The following RIN3 variants were observed in gnomAD, a reference collection of about 807,000 sequenced individuals.
RIN3 encodes Ras and Rab interactor 3.
RIN3 carries 54 observed loss-of-function variants against 76.3 expected under a neutral mutation model. That is an observed-to-expected ratio of 0.71 (90% CI 0.57 to 0.89). RIN3 has a LOEUF of 0.89. RIN3 is among the 40% of genes least tolerant of loss of function. The probability of loss-of-function intolerance (pLI) is 0.00; values close to 1 mark genes in which losing one functional copy is unlikely to be tolerated. For missense variants in RIN3, 1,256 were observed against 1,322.1 expected, an observed-to-expected ratio of 0.95 and a Z score of 0.78; for synonymous variants, 576 against 564.0, an observed-to-expected ratio of 1.02 and a Z score of -0.30.
At chr14:92,639,152 G>C (rs915651136) in intron 4 of RIN3, among the ~76,000 whole-genome samples, 6 of 152,268 alleles carry the variant, frequency 3.9e-5, no homozygotes, top group Non-Finnish European at 8.8e-5. Flanking sequence ...CTGGAAGGCA[G>C]CCCAGACCCG....
chr14:92,604,749 T>C (rs1379959385), intron 3 of RIN3, among the ~76,000 whole-genome samples: 1 of 151,996 alleles, frequency 6.6e-6, no homozygotes, highest in Admixed American at 6.5e-5. Flanking sequence ...ACCAACCAAA[T>C]GTTCAATCAT....
In RIN3 at chr14:92,553,748, C is replaced by T. The variant is rs922697192; in HGVS notation, c.45-2003C>T. ...ATTTTCTCCCCGGGTACAGACTTCACACTGACCTTGACACACCCCTCCTCA... is the reference window on the plus strand; with the variant it reads ...ATTTTCTCCCCGGGTACAGACTTCATACTGACCTTGACACACCCCTCCTCA... On this transcript the variant is annotated intron_variant, in intron 1 of 9. Coordinates refer to ENST00000216487, the MANE Select transcript of RIN3 (RefSeq NM_024832.5). Among the ~76,000 whole-genome samples the T allele has an allele frequency of 3.2e-4, 49 of 152,262 alleles. 1 individual carries two copies. The highest frequency in any genetic ancestry group is 3.1e-3 in the Admixed American group (48 of 15,300).
intron 2 of RIN3, chr14:92,576,153 C>T (rs1238485990): frequency 8.7e-7 from 1 of 1,144,194 alleles, no homozygotes; most frequent in Non-Finnish European, 1.1e-6. Context: ...GAAGCTGTGC[C>T]ACAGGAGGCT....
chr14:92,545,575 T>C (rs1897241758), intron 1 of RIN3, among the ~76,000 whole-genome samples: 3 of 129,880 alleles, frequency 2.3e-5, no homozygotes, highest in South Asian at 5.1e-4. Flanking sequence ...TTTTCTTTTT[T>C]CTTTTTCTTT....
Position 92,688,424 on chromosome 14 carries a change from A to G in RIN3, c.*172A>G. On this transcript the variant is annotated 3_prime_UTR_variant, in exon 10 of 10. Coordinates refer to ENST00000216487, the MANE Select transcript of RIN3 (RefSeq NM_024832.5). ...AATAACATGACGCTCGTCCAAGGCC[A>G]CTTCCTGAGGGCAAGTCCTAATAGC... The G allele has an allele frequency of 1.6e-6, 1 of 637,194 alleles. No homozygotes were observed. Among genetic ancestry groups the G allele is most frequent in the East Asian group, 2.8e-5 (1 of 35,186 alleles). 39.5% of individuals were successfully genotyped at this position (637,194 alleles called of 1,614,324 possible). A position where few individuals can be genotyped will look rare whatever the true frequency, so the allele number is the denominator to read the frequency against.
intron 4 of RIN3, among the ~76,000 whole-genome samples, chr14:92,633,780 A>G (rs1886671461): frequency 6.6e-6 from 1 of 152,120 alleles, no homozygotes; most frequent in African/African-American, 2.4e-5. Context: ...TTTAATGAAA[A>G]AGTAAACTGG....
In RIN3 at chr14:92,581,420, G is replaced by C. The variant is rs115204847; in HGVS notation, c.367+3943G>C. Among the ~76,000 whole-genome samples the C allele has an allele frequency of 6.3e-3, 954 of 152,302 alleles. 6 individuals are homozygous for C. Among genetic ancestry groups the C allele is most frequent in the African/African-American group, 0.021 (890 of 41,546 alleles). On this transcript the variant is annotated intron_variant, in intron 3 of 9. Coordinates refer to ENST00000216487, the MANE Select transcript of RIN3 (RefSeq NM_024832.5). Reference sequence around the variant, plus strand: ...CTCTTGAATTTCCACAGCAACATTGGGAAAGTAGCTGAGGTTGGAGGTTAT... The same window carrying C: ...CTCTTGAATTTCCACAGCAACATTGCGAAAGTAGCTGAGGTTGGAGGTTAT...
At chr14:92,561,417 G>A (rs935977857) in intron 2 of RIN3, among the ~76,000 whole-genome samples, 4 of 151,298 alleles carry the variant, frequency 2.6e-5, no homozygotes, top group Non-Finnish European at 5.9e-5. Context: ...GAACATATTG[G>A]CCCATTTGTT....
chr14:92,536,367 T>C (rs1896999574), intron 1 of RIN3, among the ~76,000 whole-genome samples: 1 of 152,194 alleles, frequency 6.6e-6, no homozygotes, highest in South Asian at 2.1e-4. Flanking sequence ...ATTGTGTGTC[T>C]GTGATGTGTA....
chr14:92,549,149 G>A (rs1042128899), intron 1 of RIN3, among the ~76,000 whole-genome samples: 26 of 152,172 alleles, frequency 1.7e-4, no homozygotes, highest in African/African-American at 6.3e-4. Context: ...CAGGGACCAG[G>A]CCTCTCCATT....
chr14:92,570,671 AAG>A (rs1555384634), intron 2 of RIN3, among the ~76,000 whole-genome samples: 39 of 151,666 alleles, frequency 2.6e-4, no homozygotes, highest in Middle Eastern at 3.4e-3. Flanking sequence ...AAAAAAAAAA[AAG>A]AAGTGACATT....
intron 1 of RIN3, among the ~76,000 whole-genome samples, chr14:92,517,544 C>T (rs559957096): frequency 6.6e-6 from 1 of 152,204 alleles, no homozygotes; most frequent in African/African-American, 2.4e-5. Flanking sequence ...TAGGGAGTAA[C>T]CTTTAGAAGA....
intron 1 of RIN3, among the ~76,000 whole-genome samples, chr14:92,533,357 CTGAG>C (rs1350515312): frequency 2.0e-5 from 3 of 152,188 alleles, no homozygotes; most frequent in Non-Finnish European, 2.9e-5. Flanking sequence ...AGTTCCACTA[CTGAG>C]TATCTACCCA....
chr14:92,537,732 C>T (rs1257295067), intron 1 of RIN3, among the ~76,000 whole-genome samples: 2 of 149,358 alleles, frequency 1.3e-5, no homozygotes, highest in Non-Finnish European at 3.0e-5. Context: ...GCAGCCTCTG[C>T]CCCCCCGCCA....
At chr14:92,638,898 A>G (rs562558415) in intron 4 of RIN3, among the ~76,000 whole-genome samples, 1 of 152,218 alleles carries the variant, frequency 6.6e-6, no homozygotes, top group South Asian at 2.1e-4. Context: ...TGCCCTGTCC[A>G]ACTCTTCCAT....
Position 92,547,023 on chromosome 14 carries a change from AATT to A in RIN3, c.45-8721_45-8719del, listed in dbSNP as rs970307302. Among the ~76,000 whole-genome samples, 60 of 125,156 alleles carry A rather than the reference AATT, an allele frequency of 4.8e-4. 9 individuals are homozygous for A. In the Middle Eastern group the frequency reaches 0.015, roughly 30 times the overall value. The allele number at this position is 125,156 out of a possible 152,430, so 82.1% of individuals were successfully genotyped here. A position where few individuals can be genotyped will look rare whatever the true frequency, so the allele number is the denominator to read the frequency against. On this transcript the variant is annotated intron_variant, in intron 1 of 9. Coordinates refer to ENST00000216487, the MANE Select transcript of RIN3 (RefSeq NM_024832.5). Reference sequence around the variant, plus strand: ...TATTATTTTATTTTATTATTAATATAATTATTATTTTATTTTATTTTATTATAA... The same window carrying A: ...TATTATTTTATTTTATTATTAATATAATTATTTTATTTTATTTTATTATAA...
chr14:92,669,300 T>C lies in RIN3; in HGVS notation c.2336-7175T>C, dbSNP rs187850941. ...TATCCTCCAAGGTGAAACGTGCAAC[T>C]GGGGTCGATAAAGCAGGGTAGGGGG... On this transcript the variant is annotated intron_variant, in intron 7 of 9. Coordinates refer to ENST00000216487, the MANE Select transcript of RIN3 (RefSeq NM_024832.5). Among the ~76,000 whole-genome samples, 121 of 152,172 alleles carry C rather than the reference T, an allele frequency of 8.0e-4. No individual in the cohort carries two copies. In the Middle Eastern group the frequency reaches 0.01, roughly 13 times the overall value.
At chr14:92,617,310 A>C (rs10146121) in intron 4 of RIN3, among the ~76,000 whole-genome samples, 90,340 of 147,252 alleles carry the variant, frequency 0.61, 27,865 homozygotes, top group Middle Eastern at 0.72. Context: ...CAAAAAAAAA[A>C]CCAAAATAAA....
Position 92,652,814 on chromosome 14 carries a change from A to G in RIN3, c.1765A>G (p.Ser589Gly). 1 of 1,614,070 alleles carries G rather than the reference A, an allele frequency of 6.2e-7. No individual in the cohort carries two copies. The highest frequency in any genetic ancestry group is 8.5e-7 in the Non-Finnish European group (1 of 1,180,032). ...CCGGCTGAGCTTTGCCAGTTTCAGC[A>G]GCATGTTCCACGCTTTCCTCTCCAA... ...RHRLSFASFS[S>G]MFHAFLSNNR... The change falls in exon 6 of 10, where the codon AGC becomes GGC. Residue 589 changes from serine to glycine, a missense_variant. Coordinates refer to ENST00000216487, the MANE Select transcript of RIN3 (RefSeq NM_024832.5). The surrounding 1 kb of genome is among the most constrained non-coding windows in gnomAD (Gnocchi z 6.4).
Sources: allele counts gnomAD v4.1 joint callset (sites outside exome capture counted in the v4.1 genomes callset), GRCh38; gene constraint gnomAD v4.1.1; non-coding constraint Gnocchi (gnomAD v3.1); transcripts MANE v1.5; gene names NCBI Gene and HGNC (gene_info 2026-07-23, HGNC 2026-07-21).